Variants in GRK7 observed in about 807,000 individuals in gnomAD.
GRK7 encodes the protein G protein-coupled receptor kinase 7.
In GRK7, 24 loss-of-function variants were observed where a neutral mutation model predicts 34.1. That is an observed-to-expected ratio of 0.70 (90% CI 0.51 to 0.99). The LOEUF (loss-of-function observed/expected upper bound fraction) is 0.99. Ranked by LOEUF, GRK7 falls within the 50% of genes least tolerant of loss-of-function variation. GRK7 has a pLI of 0.00. For missense variants in GRK7, 644 were observed against 707.3 expected (o/e 0.91, Z 1.02); for synonymous variants, 256 against 279.4 (o/e 0.92, Z 0.84).
intron 4 of GRK7, among the ~76,000 whole-genome samples, chr3:141,789,656 C>CAAAAAAAAAAAAAAAAAAAAAAAAAAAA (rs60765509): frequency 4.2e-5 from 5 of 119,228 alleles, no homozygotes; most frequent in Admixed American, 1.6e-4. Flanking sequence ...GCCAAATGGG[C>CAAAAAAAAAAAAAAAAAAAAAAAAAAAA]AAAAAAAAAA....
At chr3:141,774,553 T>A (rs1485746707) in intron 1 of GRK7, among the ~76,000 whole-genome samples, 27 bp from the exon 2 acceptor site, 1 of 152,200 alleles carries the variant, frequency 6.6e-6, no homozygotes, top group Non-Finnish European at 1.5e-5. Flanking sequence ...AATATCTCTG[T>A]GATATCAATG....
At chr3:141,797,364 A>G (rs1710901664) in intron 4 of GRK7, among the ~76,000 whole-genome samples, 1 of 152,052 alleles carries the variant, frequency 6.6e-6, no homozygotes, top group Non-Finnish European at 1.5e-5. Context: ...CGGAGCCTCG[A>G]GCTAAGTCCC....
intron 2 of GRK7, among the ~76,000 whole-genome samples, chr3:141,776,214 G>A (rs1316289752): frequency 2.0e-5 from 3 of 152,092 alleles, no homozygotes; most frequent in Non-Finnish European, 2.9e-5. Flanking sequence ...GTGAACCCAG[G>A]AGGCGGAGTT....
intron 4 of GRK7, among the ~76,000 whole-genome samples, chr3:141,803,150 G>T (rs555326406): frequency 2.4e-4 from 36 of 152,128 alleles, no homozygotes; most frequent in Admixed American, 1.7e-3. Context: ...GTACTGGCTG[G>T]GCGCAGTGGC....
At chr3:141,779,428 AAAG>A (rs1453774956) in intron 3 of GRK7, among the ~76,000 whole-genome samples, 1 of 148,480 alleles carries the variant, frequency 6.7e-6, no homozygotes, top group African/African-American at 2.5e-5. Context: ...AAAAAAAAAG[AAAG>A]AAAGAAAAGA....
Position 141,764,336 on chromosome 3 carries a change from G to C in GRK7, c.-1617G>C, listed in dbSNP as rs1257932513. ...GCTGCCTCCAATTCATTGATTCTCT[G>C]TTGAACTGACTCTCATAAGGTTTTC... On this transcript the variant is annotated 5_prime_UTR_variant, in exon 1 of 6. Coordinates refer to ENST00000682958, the MANE Select transcript of GRK7 (RefSeq NM_139209.3). 6.6e-6 allele frequency among the ~76,000 whole-genome samples: 1 copy of C among 152,096 alleles called. No individual in the cohort carries two copies. Among genetic ancestry groups the C allele is most frequent in the Non-Finnish European group, 1.5e-5 (1 of 68,018 alleles).
At chr3:141,751,010 T>G in the GRK7 span, among the ~76,000 whole-genome samples, 7,150 of 152,184 alleles carry the variant, frequency 0.047, 147 homozygotes, top group South Asian at 0.083. Context: ...GAATAGCTAC[T>G]GCACTCCAGG....
chr3:141,789,711 A>G (rs1302935136), intron 4 of GRK7, among the ~76,000 whole-genome samples: 3 of 151,746 alleles, frequency 2.0e-5, no homozygotes, highest in African/African-American at 7.3e-5. Context: ...TGTTACCTCA[A>G]TGGTTTGAAA....
At chr3:141,804,856 C>G (rs966473189) in intron 4 of GRK7, among the ~76,000 whole-genome samples, 1 of 151,706 alleles carries the variant, frequency 6.6e-6, no homozygotes, top group African/African-American at 2.4e-5. Flanking sequence ...TACACATACA[C>G]GCTCTCATAC....
At chr3:141,799,606 G>C (rs111576784) in intron 4 of GRK7, among the ~76,000 whole-genome samples, 5 of 149,824 alleles carry the variant, frequency 3.3e-5, no homozygotes, top group Non-Finnish European at 5.9e-5. Flanking sequence ...AGTGAGGCTC[G>C]GTCTAAAAAA....
chr3:141,807,397 C>G (rs924761231), intron 4 of GRK7, among the ~76,000 whole-genome samples: 1 of 152,162 alleles, frequency 6.6e-6, no homozygotes, highest in African/African-American at 2.4e-5. Context: ...TTTCATGTGA[C>G]CTTAGCCACC....
intron 4 of GRK7, among the ~76,000 whole-genome samples, chr3:141,802,480 C>G (rs1053416493): frequency 1.3e-5 from 2 of 152,024 alleles, no homozygotes; most frequent in East Asian, 3.9e-4. Context: ...CCATGATAGC[C>G]AGCACCGTGG....
chr3:141,758,925 TG>T (rs1267797248), upstream of GRK7, among the ~76,000 whole-genome samples: 3 of 147,772 alleles, frequency 2.0e-5, no homozygotes, highest in South Asian at 2.2e-4. Flanking sequence ...CAATTGTGAA[TG>T]GGAGTTCACT....
chr3:141,812,879 C>T (rs538143267), intron 5 of GRK7, among the ~76,000 whole-genome samples: 1 of 152,222 alleles, frequency 6.6e-6, no homozygotes, highest in Admixed American at 6.5e-5. Flanking sequence ...ACAGTGTGTT[C>T]AATTCATGCC....
chr3:141,799,746 G>A (rs1486563865), intron 4 of GRK7, among the ~76,000 whole-genome samples: 1 of 152,164 alleles, frequency 6.6e-6, no homozygotes, highest in Non-Finnish European at 1.5e-5. Context: ...GAGATCAAAT[G>A]AGGAATTCAC....
At chr3:141,755,010 G>GA in the GRK7 span, among the ~76,000 whole-genome samples, 1 of 152,066 alleles carries the variant, frequency 6.6e-6, no homozygotes, top group Non-Finnish European at 1.5e-5. Flanking sequence ...ACTACGTATG[G>GA]AAAAAATATG....
intron 5 of GRK7, among the ~76,000 whole-genome samples, chr3:141,814,707 T>C (rs555588481): frequency 6.6e-6 from 1 of 152,268 alleles, no homozygotes; most frequent in African/African-American, 2.4e-5. Flanking sequence ...GTCTTTTAGG[T>C]AGAACAATTT....
At chr3:141,766,226 C>T (rs934916804) in intron 1 of GRK7, among the ~76,000 whole-genome samples, 5 of 151,548 alleles carry the variant, frequency 3.3e-5, no homozygotes, top group African/African-American at 4.9e-5. Flanking sequence ...TGCAGTGGCG[C>T]GATCTCAGCT....
rs1214363883 is a variant in GRK7 at position 141,799,507 on chromosome 3, G to A, written c.1051-8138G>A. Among the ~76,000 whole-genome samples, 3 of 151,996 alleles carry A rather than the reference G, an allele frequency of 2.0e-5. No individual in the cohort carries two copies. In the East Asian group the frequency reaches 5.8e-4, roughly 29 times the overall value. On this transcript the variant is annotated intron_variant, in intron 4 of 5. Transcript: ENST00000682958. ...AGCGCCTGTAATCCCAGCTACTCAG[G>A]AGGCTGAGGCAGGAGAATCACTTGA...
Sources: allele counts gnomAD v4.1 joint callset (sites outside exome capture counted in the v4.1 genomes callset), GRCh38; gene constraint gnomAD v4.1.1; transcripts MANE v1.5; gene names NCBI Gene and HGNC (gene_info 2026-07-23, HGNC 2026-07-21).